Variants in FGGY observed in about 807,000 individuals in gnomAD.
The protein encoded by FGGY is FGGY carbohydrate kinase domain containing.
Under a neutral mutation model 71.3 loss-of-function variants are expected in FGGY, and 72 were observed. The ratio of observed to expected loss-of-function variants is 1.01; its 90% confidence interval spans 0.84 to 1.23. The LOEUF is 1.23. FGGY is among the 50% of genes most tolerant of loss of function. FGGY has a pLI of 0.00. For synonymous variants in FGGY, 251 were observed against 250.3 expected (o/e 1.00, Z -0.02); for missense variants, 668 against 682.3 (o/e 0.98, Z 0.23).
chr1:59,476,350 A>G (rs1158038655), intron 6 of FGGY, among the ~76,000 whole-genome samples: 2 of 152,228 alleles, frequency 1.3e-5, no homozygotes, highest in Non-Finnish European at 2.9e-5. Flanking sequence ...AGGTACTACT[A>G]TATTCATTTT....
rs1382612747 is a variant in FGGY, at chr1:59,675,407, G to C, written c.1512+1274G>C. On this transcript the variant is annotated intron_variant, in intron 14 of 15. Coordinates refer to ENST00000303721, the MANE Select transcript of FGGY (RefSeq NM_018291.5). ...CCAAAATTTAAGGGTACACTATTGG[G>C]AACAGACAGATGTAAAAGTGTGATG... 2.6e-5 allele frequency among the ~76,000 whole-genome samples: 4 copies of C among 152,172 alleles called. No individual in the cohort carries two copies. The East Asian group carries it at 5.8e-4, about 22-fold the overall frequency.
intron 9 of FGGY, 111 bp from the exon 10 acceptor site, chr1:59,625,877 C>T: frequency 1.4e-6 from 1 of 727,426 alleles, no homozygotes; most frequent in South Asian, 3.8e-5. Flanking sequence ...TTCTTGGAAC[C>T]CGTATGGACA....
chr1:59,322,951 A>T (rs1480716324), intron 2 of FGGY, among the ~76,000 whole-genome samples: 1 of 152,074 alleles, frequency 6.6e-6, no homozygotes, highest in Non-Finnish European at 1.5e-5. Flanking sequence ...TTCTGTCCCT[A>T]TTGATCAGTC....
intron 8 of FGGY, among the ~76,000 whole-genome samples, chr1:59,582,869 G>A (rs1320791546): frequency 6.7e-6 from 1 of 150,194 alleles, no homozygotes; most frequent in East Asian, 1.9e-4. Flanking sequence ...TTGGATTCAG[G>A]TCTGAAGTGA....
chr1:59,583,398 A>T (rs2096228790), intron 8 of FGGY, among the ~76,000 whole-genome samples: 1 of 143,654 alleles, frequency 7.0e-6, no homozygotes, highest in South Asian at 2.6e-4. Flanking sequence ...TCTTATTTTT[A>T]CATTGACACT....
At chr1:59,658,088 A>G (rs2097238523) in intron 11 of FGGY, among the ~76,000 whole-genome samples, 1 of 152,204 alleles carries the variant, frequency 6.6e-6, no homozygotes, top group African/African-American at 2.4e-5. Flanking sequence ...TCACTCAGCA[A>G]ATATTAACTG....
intron 3 of FGGY, among the ~76,000 whole-genome samples, chr1:59,345,064 A>G (rs2051533848): frequency 6.6e-6 from 1 of 152,154 alleles, no homozygotes; most frequent in Non-Finnish European, 1.5e-5. Flanking sequence ...TTCACTTTCA[A>G]GAGTCTGTCA....
intron 14 of FGGY, among the ~76,000 whole-genome samples, chr1:59,721,482 G>A (rs1164503839): frequency 6.6e-6 from 1 of 151,734 alleles, no homozygotes; most frequent in Non-Finnish European, 1.5e-5. Flanking sequence ...GGGAGTACAG[G>A]CGTGCACCAC....
At chr1:59,696,154 C>T (rs1378047637) in intron 14 of FGGY, among the ~76,000 whole-genome samples, 2 of 152,124 alleles carry the variant, frequency 1.3e-5, no homozygotes, top group African/African-American at 4.8e-5. Flanking sequence ...TCCATGGGCA[C>T]CAGCAGCCAA....
At chr1:59,654,262 A>T (rs1466191202) in intron 11 of FGGY, among the ~76,000 whole-genome samples, 1 of 152,186 alleles carries the variant, frequency 6.6e-6, no homozygotes, top group African/African-American at 2.4e-5. Context: ...ATTATCTCAG[A>T]CTTGTCCTCC....
At chr1:59,689,918 G>A (rs1392821614) in intron 14 of FGGY, among the ~76,000 whole-genome samples, 3 of 152,278 alleles carry the variant, frequency 2.0e-5, no homozygotes, top group East Asian at 3.9e-4. Flanking sequence ...GCCTAGAGGA[G>A]CCTGTGTGTT....
chr1:59,504,803 T>C (rs2094334625), intron 6 of FGGY, among the ~76,000 whole-genome samples: 1 of 152,202 alleles, frequency 6.6e-6, no homozygotes, highest in Non-Finnish European at 1.5e-5. Context: ...CCAACTGATA[T>C]TCAGCTTCCT....
At chr1:59,565,971 G>A (rs2095866879) in intron 8 of FGGY, among the ~76,000 whole-genome samples, 1 of 152,148 alleles carries the variant, frequency 6.6e-6, no homozygotes, top group African/African-American at 2.4e-5. Context: ...CTGTGGTCAA[G>A]TACCAAATTT....
intron 7 of FGGY, among the ~76,000 whole-genome samples, chr1:59,538,256 C>G (rs1265898018): frequency 1.3e-5 from 2 of 152,054 alleles, no homozygotes; most frequent in African/African-American, 4.8e-5. Context: ...CTCACCATCA[C>G]TGGCCATCAG....
chr1:59,537,975 A>C (rs573447104), intron 7 of FGGY, among the ~76,000 whole-genome samples: 7 of 152,314 alleles, frequency 4.6e-5, no homozygotes, highest in South Asian at 4.1e-4. Flanking sequence ...AGCAATGGCA[A>C]CAAAAGCCAA....
chr1:59,485,504 T>G (rs1463085796), intron 6 of FGGY, among the ~76,000 whole-genome samples: 1 of 152,146 alleles, frequency 6.6e-6, no homozygotes, highest in East Asian at 1.9e-4. Context: ...ACAGTGAGCT[T>G]TTGTGGAACT....
chr1:59,720,925 G>A (rs938371759), intron 14 of FGGY, among the ~76,000 whole-genome samples: 1 of 152,154 alleles, frequency 6.6e-6, no homozygotes, highest in African/African-American at 2.4e-5. Flanking sequence ...TGCCCCAGCA[G>A]GTCTGGCTTC....
At chr1:59,698,493 A>T (rs1297582333) in intron 14 of FGGY, among the ~76,000 whole-genome samples, 1 of 152,010 alleles carries the variant, frequency 6.6e-6, no homozygotes. Flanking sequence ...GGGAATCAGC[A>T]TCTCAATTCC....
chr1:59,606,572 T>C (rs1426904262), intron 8 of FGGY, among the ~76,000 whole-genome samples: 1 of 152,198 alleles, frequency 6.6e-6, no homozygotes, highest in Non-Finnish European at 1.5e-5. Flanking sequence ...GATTTGTCTA[T>C]AGTTGATTGA....
Sources: gnomAD v4.1 joint callset for allele counts (sites outside exome capture counted in the v4.1 genomes callset) on GRCh38, gnomAD v4.1.1 for gene constraint, MANE v1.5 for transcripts, NCBI Gene and HGNC (gene_info 2026-07-23, HGNC 2026-07-21) for gene names.